Variants in GRM5 observed in about 807,000 individuals in gnomAD.
The protein encoded by GRM5 is glutamate metabotropic receptor 5.
A neutral mutation model predicts 83.1 loss-of-function variants in GRM5; 19 were observed. The observed-to-expected ratio is 0.23, with a 90% CI of 0.16 to 0.34. The LOEUF (loss-of-function observed/expected upper bound fraction) is 0.34. Among genes scored for constraint, GRM5 ranks in the 10% least tolerant of loss-of-function variants. GRM5 has a pLI of 1.00. For missense variants in GRM5, 1,160 were observed against 1,588.3 expected (o/e 0.73, Z 4.58); for synonymous variants, 675 against 633.6 (o/e 1.07, Z -0.98).
At chr11:88,808,043 A>G (rs1442261462) in intron 3 of GRM5, among the ~76,000 whole-genome samples, 1 of 151,780 alleles carries the variant, frequency 6.6e-6, no homozygotes, top group African/African-American at 2.4e-5. Context: ...TTAATCTATA[A>G]TAGGGTGTTT....
At chr11:88,698,342 A>G (rs1047055640) in intron 3 of GRM5, among the ~76,000 whole-genome samples, 4 of 152,188 alleles carry the variant, frequency 2.6e-5, no homozygotes, top group Admixed American at 2.6e-4. Context: ...CTCTTCTACC[A>G]AGGCTTCTCA....
chr11:89,059,304 GATAT>G (rs1331345409), intron 1 of GRM5, among the ~76,000 whole-genome samples: 1 of 152,088 alleles, frequency 6.6e-6, no homozygotes, highest in African/African-American at 2.4e-5. Context: ...TAAAAAAGGA[GATAT>G]TTGAGATAGC....
chr11:88,967,429 A>AT (rs1387680744), intron 2 of GRM5, among the ~76,000 whole-genome samples: 4 of 218 alleles, frequency 0.018, no homozygotes, highest in African/African-American at 0.069. Context: ...TATTTCTTAT[A>AT]CTTTGGCACC....
chr11:88,731,148 TGA>T (rs540316214), intron 3 of GRM5, among the ~76,000 whole-genome samples: 20 of 152,206 alleles, frequency 1.3e-4, no homozygotes, highest in African/African-American at 4.6e-4. Flanking sequence ...TCCAGAAAGC[TGA>T]GAAAGTCCTT....
chr11:88,835,446 G>T (rs567965825), intron 3 of GRM5, among the ~76,000 whole-genome samples: 1 of 152,280 alleles, frequency 6.6e-6, no homozygotes, highest in African/African-American at 2.4e-5. Context: ...CATCTGTTTT[G>T]ATTGGATCCA....
intron 3 of GRM5, among the ~76,000 whole-genome samples, chr11:88,750,760 A>T (rs376752099): frequency 2.9e-4 from 44 of 152,292 alleles, no homozygotes; most frequent in African/African-American, 9.4e-4. Flanking sequence ...AGAACTCAAT[A>T]TTAAGAAATT....
At chr11:88,598,975 G>T (rs1432843165) in intron 5 of GRM5, among the ~76,000 whole-genome samples, 3 of 152,184 alleles carry the variant, frequency 2.0e-5, no homozygotes, top group Admixed American at 2.0e-4. Flanking sequence ...GAGTATGTAA[G>T]CATCAGAGCT....
chr11:88,787,661 T>G (rs1943098781), intron 3 of GRM5, among the ~76,000 whole-genome samples: 19 of 152,040 alleles, frequency 1.2e-4, no homozygotes. Context: ...TTAATGATGG[T>G]GATGCATGGA....
intron 3 of GRM5, among the ~76,000 whole-genome samples, chr11:88,740,307 C>T (rs1276718287): frequency 2.6e-5 from 4 of 151,992 alleles, no homozygotes; most frequent in South Asian, 2.1e-4. Context: ...GGAATAATAG[C>T]TTTCTATTGC....
At chr11:88,752,489 G>T (rs1328579843) in intron 3 of GRM5, among the ~76,000 whole-genome samples, 1 of 152,198 alleles carries the variant, frequency 6.6e-6, no homozygotes, top group African/African-American at 2.4e-5. Context: ...CATGCTCATG[G>T]ATAGGAATAA....
chr11:88,606,846 G>A (rs1228275068), intron 4 of GRM5, among the ~76,000 whole-genome samples: 1 of 150,958 alleles, frequency 6.6e-6, no homozygotes, highest in Non-Finnish European at 1.5e-5. Flanking sequence ...AAGACATATA[G>A]GAAGAGTGTG....
chr11:88,756,998 T>C (rs552510049), intron 3 of GRM5, among the ~76,000 whole-genome samples: 51 of 152,190 alleles, frequency 3.4e-4, no homozygotes, highest in African/African-American at 1.1e-3. Context: ...AAAATCAAAC[T>C]TTTTAAAGAC....
intron 3 of GRM5, among the ~76,000 whole-genome samples, chr11:88,751,269 G>GC (rs1349883064): frequency 6.6e-6 from 1 of 151,968 alleles, no homozygotes; most frequent in African/African-American, 2.4e-5. Context: ...AGGATAAGGT[G>GC]CATATTACCA....
Position 89,011,383 on chromosome 11 carries a change from A to C in GRM5, c.661+35829T>G, listed in dbSNP as rs369439840. Among the ~76,000 whole-genome samples, 3 of 152,306 alleles carry C rather than the reference A, an allele frequency of 2.0e-5. No individual in the cohort carries two copies. In the East Asian group the frequency reaches 5.8e-4, roughly 29 times the overall value. Reference sequence around the variant, plus strand: ...TCTATTCATCAAAATGTTCAGGCTAAAACAGTTGTGAATATCGTGGGAATA... The same window carrying C: ...TCTATTCATCAAAATGTTCAGGCTACAACAGTTGTGAATATCGTGGGAATA... On this transcript the variant is annotated intron_variant, in intron 2 of 9. Transcript: ENST00000305447.
chr11:88,791,606 A>G (rs1943174275), intron 3 of GRM5, among the ~76,000 whole-genome samples: 2 of 152,190 alleles, frequency 1.3e-5, no homozygotes, highest in African/African-American at 2.4e-5. Context: ...TTTTGTTTCT[A>G]TTATATATTC....
chr11:88,536,578 A>C (rs1241568173), intron 8 of GRM5, among the ~76,000 whole-genome samples: 1 of 152,206 alleles, frequency 6.6e-6, no homozygotes, highest in East Asian at 1.9e-4. Context: ...GCTTTATAAC[A>C]GCTTTGAGCA....
At chr11:88,749,092 CTGAGAT>C (rs1942206817) in intron 3 of GRM5, among the ~76,000 whole-genome samples, 1 of 152,160 alleles carries the variant, frequency 6.6e-6, no homozygotes, top group Admixed American at 6.5e-5. Context: ...TGGACTGAGG[CTGAGAT>C]GGCTGAATTG....
At chr11:88,945,513 C>A (rs1229663009) in intron 2 of GRM5, among the ~76,000 whole-genome samples, 3 of 152,004 alleles carry the variant, frequency 2.0e-5, no homozygotes, top group Admixed American at 6.6e-5. Context: ...GCTACAGTAA[C>A]CAAAACAGCA....
At position 88,647,921 on chromosome 11, in the gene GRM5, C is replaced by T. The variant is rs866332480; in HGVS notation, c.1147+5247G>A. The stretch of plus-strand genomic sequence containing the variant: ...TGAAAAAATGCTCATCATCACTGGC[C>T]ATCAGAGAAATGCAAATCAAAACCA... On this transcript the variant is annotated intron_variant, in intron 4 of 9. Coordinates refer to ENST00000305447, the MANE Select transcript of GRM5 (RefSeq NM_001143831.3). Among the ~76,000 whole-genome samples, 51 of 150,970 alleles carry T rather than the reference C, an allele frequency of 3.4e-4. No individual in the cohort carries two copies. In the Middle Eastern group the frequency reaches 0.017, roughly 51 times the overall value.
Sources: gnomAD v4.1 joint callset for allele counts (sites outside exome capture counted in the v4.1 genomes callset) on GRCh38, gnomAD v4.1.1 for gene constraint, MANE v1.5 for transcripts, NCBI Gene and HGNC (gene_info 2026-07-23, HGNC 2026-07-21) for gene names.